ANKS1B: variants seen among roughly 807,000 people sequenced by gnomAD.
ANKS1B encodes ankyrin repeat and sterile alpha motif domain containing 1B.
A neutral mutation model predicts 148.3 loss-of-function variants in ANKS1B; 36 were observed. The observed-to-expected ratio is 0.24, with a 90% CI of 0.19 to 0.32. The LOEUF (loss-of-function observed/expected upper bound fraction) is 0.32. ANKS1B is among the 10% of genes least tolerant of loss of function. The pLI, the probability that ANKS1B is intolerant of heterozygous loss-of-function variation, is 1.00. For missense variants in ANKS1B, 1,157 were observed against 1,542.6 expected (o/e 0.75, Z 4.19); for synonymous variants, 542 against 560.8 (o/e 0.97, Z 0.47).
intron 17 of ANKS1B, among the ~76,000 whole-genome samples, chr12:98,937,915 T>C (rs1159246481): frequency 4.9e-5 from 6 of 123,024 alleles, no homozygotes; most frequent in Admixed American, 4.1e-4. Flanking sequence ...AGAGAGAGAG[T>C]GCAGGGGAAA....
At chr12:99,689,791 A>T (rs970651882) in intron 8 of ANKS1B, among the ~76,000 whole-genome samples, 5 of 152,208 alleles carry the variant, frequency 3.3e-5, no homozygotes, top group Non-Finnish European at 5.9e-5. Context: ...CAGTTCTACA[A>T]CCTCAGAAGT....
intron 9 of ANKS1B, among the ~76,000 whole-genome samples, chr12:99,526,534 A>G (rs2096928355): frequency 6.6e-6 from 1 of 152,142 alleles, no homozygotes; most frequent in Non-Finnish European, 1.5e-5. Flanking sequence ...CATGCATGAG[A>G]AAAACTAATC....
chr12:98,761,024 C>G lies in ANKS1B; in HGVS notation c.3580-9502G>C, dbSNP rs1260445661. 2.0e-5 allele frequency among the ~76,000 whole-genome samples: 3 copies of G among 152,152 alleles called. No individual in the cohort carries two copies. In the East Asian group the frequency reaches 5.8e-4, roughly 29 times the overall value. ...AAGTGCCTTCTGTGGATTGTCTACC[C>G]CTTACAACACCTTACAGAGGAGGAA... is the stretch of plus-strand genomic sequence containing the variant. On this transcript the variant is annotated intron_variant, in intron 25 of 26. Coordinates refer to ENST00000683438, the MANE Select transcript of ANKS1B (RefSeq NM_001352186.2).
At chr12:98,799,289 G>T (rs535899268) in intron 21 of ANKS1B, among the ~76,000 whole-genome samples, 1 of 152,206 alleles carries the variant, frequency 6.6e-6, no homozygotes, top group East Asian at 1.9e-4. Flanking sequence ...CAAAATGGGG[G>T]CATCTAAAAA....
chr12:99,640,647 T>C (rs1268201900), intron 9 of ANKS1B, among the ~76,000 whole-genome samples: 6 of 152,184 alleles, frequency 3.9e-5, no homozygotes, highest in African/African-American at 1.4e-4. Flanking sequence ...ATTTCTTTTC[T>C]TTATAAATTA....
At chr12:99,201,590 T>C (rs2082075525) in intron 14 of ANKS1B, among the ~76,000 whole-genome samples, 1 of 152,202 alleles carries the variant, frequency 6.6e-6, no homozygotes, top group African/African-American at 2.4e-5. Flanking sequence ...CACGCTCCTG[T>C]CTTGGTTTAG....
At chr12:99,697,749 A>G (rs1044363525) in intron 8 of ANKS1B, among the ~76,000 whole-genome samples, 1 of 152,160 alleles carries the variant, frequency 6.6e-6, no homozygotes, top group Non-Finnish European at 1.5e-5. Flanking sequence ...TTTAGTTAAT[A>G]ATAATGTATC....
intron 8 of ANKS1B, among the ~76,000 whole-genome samples, chr12:99,695,977 A>G (rs2053841701): frequency 6.6e-6 from 1 of 152,164 alleles, no homozygotes; most frequent in African/African-American, 2.4e-5. Context: ...TTTAAAAACT[A>G]CCTACTGGGC....
chr12:99,140,360 G>A (rs1270617700), intron 15 of ANKS1B, among the ~76,000 whole-genome samples: 1 of 152,152 alleles, frequency 6.6e-6, no homozygotes, highest in Non-Finnish European at 1.5e-5. Context: ...CGCTGAGCTA[G>A]GTGGTTTATG....
At chr12:99,679,970 C>A (rs1005080511) in intron 8 of ANKS1B, among the ~76,000 whole-genome samples, 3 of 152,132 alleles carry the variant, frequency 2.0e-5, no homozygotes, top group Non-Finnish European at 2.9e-5. Flanking sequence ...GAAAGAAGCA[C>A]CTTGTTACTG....
chr12:99,948,746 G>A (rs185792085), intron 1 of ANKS1B, among the ~76,000 whole-genome samples: 9 of 152,274 alleles, frequency 5.9e-5, no homozygotes, highest in Non-Finnish European at 1.0e-4. Flanking sequence ...AAAAATAGAC[G>A]ATGTAACAGA....
chr12:99,830,993 C>T (rs2083905920), intron 1 of ANKS1B, among the ~76,000 whole-genome samples: 1 of 151,972 alleles, frequency 6.6e-6, no homozygotes, highest in Admixed American at 6.6e-5. Context: ...AAAATAGCAC[C>T]CTATCATCAT....
intron 1 of ANKS1B, among the ~76,000 whole-genome samples, chr12:99,922,422 A>G (rs959921934): frequency 7.2e-5 from 11 of 152,096 alleles, no homozygotes; most frequent in African/African-American, 2.7e-4. Context: ...CAAGAGTAGG[A>G]AAAAAAACAT....
chr12:99,319,641 C>G (rs1257242649), intron 12 of ANKS1B, among the ~76,000 whole-genome samples: 1 of 121,124 alleles, frequency 8.3e-6, no homozygotes, highest in Non-Finnish European at 1.9e-5. Context: ...ATTTGCCAGT[C>G]TGTGTCTTTT....
intron 22 of ANKS1B, among the ~76,000 whole-genome samples, chr12:98,790,660 T>C (rs2098840428): frequency 1.3e-5 from 2 of 152,134 alleles, no homozygotes; most frequent in Non-Finnish European, 2.9e-5. Context: ...TGCTTTCACT[T>C]AGAAAGTCCC....
chr12:99,532,624 T>C (rs1055992708), intron 9 of ANKS1B, among the ~76,000 whole-genome samples: 1 of 152,170 alleles, frequency 6.6e-6, no homozygotes, highest in Non-Finnish European at 1.5e-5. Flanking sequence ...CCTCCCAAAG[T>C]GCTGGGATTA....
chr12:98,852,062 A>G (rs1041867701), intron 17 of ANKS1B, among the ~76,000 whole-genome samples: 1 of 144,912 alleles, frequency 6.9e-6, no homozygotes, highest in Non-Finnish European at 1.5e-5. Flanking sequence ...GAGGGAAAGG[A>G]TGATGATGGC....
At chr12:99,821,934 T>C (rs999827833) in intron 2 of ANKS1B, among the ~76,000 whole-genome samples, 2 of 152,010 alleles carry the variant, frequency 1.3e-5, no homozygotes, top group Admixed American at 6.6e-5. Flanking sequence ...AGAGAAAAAA[T>C]TAGAAGATAT....
intron 10 of ANKS1B, among the ~76,000 whole-genome samples, chr12:99,460,012 TA>T (rs1176079061): frequency 2.0e-5 from 3 of 151,976 alleles, no homozygotes; most frequent in African/African-American, 4.8e-5. Flanking sequence ...AACTATACTA[TA>T]AGGCCACAGT....
Sources: allele counts gnomAD v4.1 joint callset (sites outside exome capture counted in the v4.1 genomes callset), GRCh38; gene constraint gnomAD v4.1.1; transcripts MANE v1.5; gene names NCBI Gene and HGNC (gene_info 2026-07-23, HGNC 2026-07-21).